Variants in SEMA6D observed in about 807,000 individuals in gnomAD.
SEMA6D encodes semaphorin 6D.
In SEMA6D, 35 loss-of-function variants were observed where a neutral mutation model predicts 106.6. The observed-to-expected ratio is 0.33, with a 90% CI of 0.25 to 0.44. The LOEUF (loss-of-function observed/expected upper bound fraction) is 0.44, where lower values mean the gene tolerates loss of function less well. SEMA6D is among the 20% of genes least tolerant of loss of function. SEMA6D has a pLI of 1.00. For synonymous variants in SEMA6D, 499 were observed against 487.7 expected (o/e 1.02, Z -0.31); for missense variants, 1,185 against 1,345.9 (o/e 0.88, Z 1.87).
chr15:47,554,487 T>G (rs1007423698), intron 3 of SEMA6D, among the ~76,000 whole-genome samples: 6 of 152,164 alleles, frequency 3.9e-5, no homozygotes, highest in Admixed American at 2.6e-4. Context: ...GAAAACAAAC[T>G]TTGTCACAGC....
intron 3 of SEMA6D, among the ~76,000 whole-genome samples, chr15:47,537,400 A>C (rs1243995829): frequency 6.6e-6 from 1 of 152,228 alleles, no homozygotes; most frequent in African/African-American, 2.4e-5. Context: ...AGGTTAGCCC[A>C]GGCTAAGTGG....
chr15:47,679,119 C>T (rs1448542865), intron 4 of SEMA6D, among the ~76,000 whole-genome samples: 1 of 152,188 alleles, frequency 6.6e-6, no homozygotes. Context: ...TTAATATTTG[C>T]TGCTGCTGCA....
At chr15:47,313,086 T>A (rs139725518) in intron 1 of SEMA6D, among the ~76,000 whole-genome samples, 1 of 152,222 alleles carries the variant, frequency 6.6e-6, no homozygotes, top group East Asian at 1.9e-4. Flanking sequence ...TCCACAAGAA[T>A]GGTATGTTTG....
intron 3 of SEMA6D, among the ~76,000 whole-genome samples, chr15:47,473,045 C>T (rs911958125): frequency 6.6e-6 from 1 of 152,172 alleles, no homozygotes; most frequent in African/African-American, 2.4e-5. Flanking sequence ...TGGGAACTTC[C>T]TGGAAAAGAG....
In SEMA6D at chr15:47,740,746, A is replaced by G. The variant is rs149533234; in HGVS notation, c.-54-18999A>G. 2.9e-3 allele frequency among the ~76,000 whole-genome samples: 443 copies of G among 152,178 alleles called. 1 individual carries two copies. The highest frequency in any genetic ancestry group is 0.01 in the African/African-American group (436 of 41,532). ...GAGCACCTGAGCAGGGAGGTACCCA[A>G]TATACTCTTTTCCCTGACCTTGGGG... On this transcript the variant is annotated intron_variant, in intron 1 of 18. Coordinates refer to ENST00000536845, the MANE Select transcript of SEMA6D (RefSeq NM_001358351.3).
intron 1 of SEMA6D, among the ~76,000 whole-genome samples, chr15:47,294,654 G>A (rs1430576274): frequency 9.9e-5 from 15 of 152,176 alleles, no homozygotes; most frequent in Admixed American, 9.8e-4. Context: ...ATTCTGTCTT[G>A]CACAGAACAC....
chr15:47,764,767 G>T lies in SEMA6D; in HGVS notation c.1227G>T (p.Glu409Asp), dbSNP rs1343997449. ...MDSAVPPIADEPWFTKTRVRY... is the reference protein window; with the variant it reads ...MDSAVPPIADDPWFTKTRVRY... ...CTGCCGTTCCACCCATTGCCGATGA[G>T]CCCTGGTTCACAAAGACTCGGGTCA... Residue 409 changes from glutamate (E) to aspartate (D), a missense_variant, in exon 12 of 19, where the codon GAG becomes GAT. Physicochemically the swap from Glu to Asp is conservative, Grantham distance 45 (BLOSUM62 2). Around this residue, in one of 3 missense-constraint regions of SEMA6D, gnomAD observed 291 missense variants for 423.8 expected, o/e 0.69. Coordinates refer to ENST00000536845, the MANE Select transcript of SEMA6D (RefSeq NM_001358351.3). 6.2e-7 allele frequency: 1 copy of T among 1,613,842 alleles called. No homozygotes were observed. Among genetic ancestry groups the T allele is most frequent in the African/African-American group, 1.3e-5 (1 of 74,926 alleles).
At chr15:47,647,635 G>A (rs144280571) in intron 4 of SEMA6D, among the ~76,000 whole-genome samples, 1,589 of 151,568 alleles carry the variant, frequency 0.01, 17 homozygotes, top group South Asian at 0.044. Flanking sequence ...AACTAAATTC[G>A]CATATTTTGA....
chr15:47,434,327 T>G (rs2041633872), intron 2 of SEMA6D, among the ~76,000 whole-genome samples: 1 of 152,120 alleles, frequency 6.6e-6, no homozygotes, highest in African/African-American at 2.4e-5. Flanking sequence ...TTGAAATGGG[T>G]GCATTCTGGG....
chr15:47,313,389 T>A (rs1282324516), intron 1 of SEMA6D, among the ~76,000 whole-genome samples: 1 of 152,242 alleles, frequency 6.6e-6, no homozygotes, highest in Non-Finnish European at 1.5e-5. Flanking sequence ...CTTTTCACAT[T>A]GGCTTCTTTC....
At chr15:47,494,019 G>A (rs183104277) in intron 3 of SEMA6D, among the ~76,000 whole-genome samples, 19 of 152,260 alleles carry the variant, frequency 1.2e-4, no homozygotes, top group Admixed American at 1.1e-3. Context: ...ATGATATTAT[G>A]CATATGTGTC....
intron 1 of SEMA6D, among the ~76,000 whole-genome samples, chr15:47,363,880 G>A (rs2038908878): frequency 6.6e-6 from 1 of 152,162 alleles, no homozygotes. Flanking sequence ...AGGGGAAGCA[G>A]GCACCTTCTT....
At chr15:47,472,172 G>T (rs731761) in intron 3 of SEMA6D, among the ~76,000 whole-genome samples, 7 of 152,250 alleles carry the variant, frequency 4.6e-5, no homozygotes, top group African/African-American at 1.7e-4. Flanking sequence ...TTGCCATTTC[G>T]ATTCTCAAAG....
intron 1 of SEMA6D, among the ~76,000 whole-genome samples, chr15:47,369,706 G>A (rs548003191): frequency 3.5e-4 from 54 of 152,252 alleles, no homozygotes; most frequent in Admixed American, 1.2e-3. Flanking sequence ...TAAAGTATAC[G>A]TTATTGACAT....
At chr15:47,192,277 A>G (rs1894017378) in intron 1 of SEMA6D, among the ~76,000 whole-genome samples, 3 of 152,142 alleles carry the variant, frequency 2.0e-5, no homozygotes, top group South Asian at 2.1e-4. Flanking sequence ...ACATCTATCC[A>G]TCTACCAGCA....
At chr15:47,376,029 G>C (rs2145506689) in intron 1 of SEMA6D, among the ~76,000 whole-genome samples, 1 of 152,304 alleles carries the variant, frequency 6.6e-6, no homozygotes, top group South Asian at 2.1e-4. Flanking sequence ...ATGTAAAGAA[G>C]GCAAATTATT....
chr15:47,505,549 G>A (rs971746033), intron 3 of SEMA6D, among the ~76,000 whole-genome samples: 1 of 152,126 alleles, frequency 6.6e-6, no homozygotes, highest in African/African-American at 2.4e-5. Flanking sequence ...TTTCCTAAGT[G>A]TTATGATTGT....
rs1439042334 is a variant in SEMA6D at position 47,601,283 on chromosome 15, A to T, written c.-55+387A>T. Among the ~76,000 whole-genome samples the T allele has an allele frequency of 3.7e-4, 56 of 152,158 alleles. 1 individual carries two copies. The highest frequency in any genetic ancestry group is 1.6e-4 in the Non-Finnish European group (11 of 68,030). On this transcript the variant is annotated intron_variant, in intron 4 of 19. Coordinates refer to the SEMA6D transcript ENST00000558014. ...CAAAGCCTATTTTGGAAGAATTAGA[A>T]AGCAAAGTGCCCCCAGCACAGCCCT...
chr15:47,257,260 T>C (rs1481095122), intron 1 of SEMA6D, among the ~76,000 whole-genome samples: 1 of 152,154 alleles, frequency 6.6e-6, no homozygotes, highest in Non-Finnish European at 1.5e-5. Flanking sequence ...GGTTTCACCA[T>C]GTTAGCTAGT....
Sources: allele counts gnomAD v4.1 joint callset (sites outside exome capture counted in the v4.1 genomes callset), GRCh38; gene constraint gnomAD v4.1.1; regional missense constraint gnomAD v4.1.1; transcripts MANE v1.5; gene names NCBI Gene and HGNC (gene_info 2026-07-23, HGNC 2026-07-21).